AFAP1: variants seen among roughly 807,000 people sequenced by gnomAD.
AFAP1 encodes actin filament-associated protein 1.
AFAP1 carries 75 observed loss-of-function variants against 93.9 expected under a neutral mutation model. The ratio of observed to expected loss-of-function variants is 0.80; its 90% CI spans 0.66 to 0.97. The LOEUF (loss-of-function observed/expected upper bound fraction) is 0.97. AFAP1 is among the 50% of genes least tolerant of loss of function. The pLI is 0.00. For synonymous variants in AFAP1, 517 were observed against 430.7 expected (o/e 1.20, Z -2.48); for missense variants, 1,201 against 1,050.8 (o/e 1.14, Z -1.98).
At chr4:7,881,350 T>C (rs28417050) in intron 1 of AFAP1, among the ~76,000 whole-genome samples, 49,850 of 151,842 alleles carry the variant, frequency 0.33, 9,447 homozygotes, top group Non-Finnish European at 0.44. Context: ...ATCACCTCCC[T>C]GACCTCTCCT....
intron 6 of AFAP1, among the ~76,000 whole-genome samples, chr4:7,831,899 T>C (rs891069920): frequency 2.0e-5 from 3 of 152,122 alleles, no homozygotes; most frequent in Non-Finnish European, 4.4e-5. Flanking sequence ...GATGGCACTA[T>C]GGTCATAGAA....
intron 4 of AFAP1, among the ~76,000 whole-genome samples, chr4:7,852,178 C>T (rs1003215911): frequency 6.6e-6 from 1 of 152,158 alleles, no homozygotes; most frequent in Non-Finnish European, 1.5e-5. Context: ...CTTGGTGGTA[C>T]TGTTTCTCCC....
In AFAP1 at chr4:7,778,750, T is replaced by C; in HGVS notation, c.1897+12A>G. 1.2e-6 allele frequency: 2 copies of C among 1,610,940 alleles called. No homozygotes were observed. Among genetic ancestry groups the C allele is most frequent in the Non-Finnish European group, 8.5e-7 (1 of 1,177,074 alleles). ...TGAAGCCGGAATGCAAGACATCCGATGGTATACTTACTCGAACCCGTCCTT... is the reference window on the plus strand; with the variant it reads ...TGAAGCCGGAATGCAAGACATCCGACGGTATACTTACTCGAACCCGTCCTT... On this transcript the variant is annotated intron_variant, in intron 14 of 17. Coordinates refer to ENST00000420658, the MANE Select transcript of AFAP1 (RefSeq NM_001134647.2).
At chr4:7,893,928 TC>T (rs1306282292) in intron 1 of AFAP1, among the ~76,000 whole-genome samples, 1 of 152,076 alleles carries the variant, frequency 6.6e-6, no homozygotes, top group Non-Finnish European at 1.5e-5. Context: ...CGCTGCCGCC[TC>T]CCTCGCCTCT....
At chr4:7,907,720 T>G (rs373809295) in intron 1 of AFAP1, among the ~76,000 whole-genome samples, 1 of 152,132 alleles carries the variant, frequency 6.6e-6, no homozygotes, top group South Asian at 2.1e-4. Context: ...GCAAGTATAA[T>G]ACATATTCAA....
chr4:7,857,593 T>C (rs539879223), intron 3 of AFAP1, among the ~76,000 whole-genome samples: 8 of 152,326 alleles, frequency 5.3e-5, no homozygotes, highest in South Asian at 4.1e-4. Context: ...CAACAGAACC[T>C]GATACATGGG....
At position 7,833,589 on chromosome 4, in the gene AFAP1, CT is replaced by C. The variant is rs33990733; in HGVS notation, c.726+4934del. 2.1e-3 allele frequency among the ~76,000 whole-genome samples: 283 copies of C among 131,762 alleles called. 2 individuals carry two copies. In the East Asian group the frequency reaches 0.022, roughly 10 times the overall value. 86.4% of individuals were successfully genotyped at this position (131,762 alleles called of 152,430 possible). A position where few individuals can be genotyped will look rare whatever the true frequency, so the allele number is the denominator to read the frequency against. Reference sequence around the variant, plus strand: ...ACTATGGAAAACAGTGTGGAGATGTCTTTTTTTTTTTTTTTTTTAGATGGAG... The same window carrying C: ...ACTATGGAAAACAGTGTGGAGATGTCTTTTTTTTTTTTTTTTTAGATGGAG... On this transcript the variant is annotated intron_variant, in intron 6 of 17. Transcript: ENST00000420658.
Position 7,781,571 on chromosome 4 carries a change from C to T in AFAP1, c.1587G>A (p.Val529=), listed in dbSNP as rs1353837781. The change falls in exon 13 of 18, where the codon GTG becomes GTA. Residue 529 remains valine, a synonymous_variant. Coordinates refer to ENST00000420658, the MANE Select transcript of AFAP1 (RefSeq NM_001134647.2). ...ASCSRGLGEE[V]LYDNAGLYDN... Reference sequence around the variant, plus strand: ...CGTACAGGCCTGCGTTATCATAAAGCACCTCTTCTCCCAAGCCTCTGCTGC... The same window carrying T: ...CGTACAGGCCTGCGTTATCATAAAGTACCTCTTCTCCCAAGCCTCTGCTGC... 4.5e-6 allele frequency: 7 copies of T among 1,551,902 alleles called. No homozygotes were observed. The highest frequency in any genetic ancestry group is 6.1e-6 in the Non-Finnish European group (7 of 1,147,048).
intron 12 of AFAP1, among the ~76,000 whole-genome samples, chr4:7,783,359 C>G (rs1356427614): frequency 2.0e-5 from 3 of 152,170 alleles, no homozygotes; most frequent in Non-Finnish European, 4.4e-5. Flanking sequence ...AGGCTGGTCT[C>G]GAACTCCTGG....
At chr4:7,772,705 TA>T in intron 16 of AFAP1, 114 bp downstream of exon 16, 2 of 968,776 alleles carry the variant, frequency 2.1e-6, no homozygotes, top group Non-Finnish European at 3.0e-6. Flanking sequence ...CTGGGCACAC[TA>T]AGGGGCCACA....
chr4:7,789,294 A>T (rs1436852893), intron 11 of AFAP1, among the ~76,000 whole-genome samples: 3 of 152,152 alleles, frequency 2.0e-5, no homozygotes, highest in Non-Finnish European at 2.9e-5. Flanking sequence ...CAAAACCAGG[A>T]GAGAGTCAAG....
chr4:7,820,946 C>T (rs1720920735), intron 6 of AFAP1, among the ~76,000 whole-genome samples: 1 of 152,028 alleles, frequency 6.6e-6, no homozygotes, highest in African/African-American at 2.4e-5. Context: ...TGGAGAAGCC[C>T]CATCTCTACT....
chr4:7,799,550 A>G (rs1024198009), intron 10 of AFAP1, among the ~76,000 whole-genome samples: 1 of 152,196 alleles, frequency 6.6e-6, no homozygotes, highest in Non-Finnish European at 1.5e-5. Flanking sequence ...CACGCCTCAC[A>G]TGAACTGGTT....
chr4:7,763,883 G>T, intron 17 of AFAP1, 92 bp from the exon 18 acceptor site: 1 of 1,329,784 alleles, frequency 7.5e-7, no homozygotes, highest in Non-Finnish European at 1.1e-6. Flanking sequence ...CAGAGGGGGT[G>T]GGTGCTCGGC....
intron 6 of AFAP1, among the ~76,000 whole-genome samples, chr4:7,835,966 C>T (rs1270278071): frequency 2.0e-5 from 3 of 152,028 alleles, no homozygotes; most frequent in East Asian, 1.9e-4. Context: ...CCCAAGTGTG[C>T]GGGAGAGGCA....
chr4:7,891,323 T>C (rs906642168), intron 1 of AFAP1, among the ~76,000 whole-genome samples: 2 of 152,144 alleles, frequency 1.3e-5, no homozygotes, highest in Admixed American at 1.3e-4. Context: ...TGGAGAATGT[T>C]CTCCGTCTTC....
intron 12 of AFAP1, among the ~76,000 whole-genome samples, chr4:7,783,146 CTTTTT>C (rs914394443): frequency 3.9e-4 from 57 of 147,864 alleles, no homozygotes; most frequent in African/African-American, 1.4e-3. Context: ...TAAATATGAA[CTTTTT>C]TTTTTTGAGA....
intron 1 of AFAP1, among the ~76,000 whole-genome samples, chr4:7,877,439 T>G (rs1483567926): frequency 6.6e-6 from 1 of 152,216 alleles, no homozygotes; most frequent in Non-Finnish European, 1.5e-5. Flanking sequence ...AATCCTCACA[T>G]AGTGATTACA....
At position 7,763,251 on chromosome 4, in the gene AFAP1, G is replaced by A. The variant is rs574670925; in HGVS notation, c.*514C>T. 107 of 154,104 alleles carry A rather than the reference G, an allele frequency of 6.9e-4. 1 individual carries two copies. The South Asian group carries it at 0.021, about 30-fold the overall frequency. 9.5% of individuals were successfully genotyped at this position (154,104 alleles called of 1,614,324 possible). On this transcript the variant is annotated 3_prime_UTR_variant, in exon 18 of 18. Transcript: ENST00000420658. ...GGGGACGGGCACGTGGAGAGGGTAC[G>A]CCAAGACACAAAGTCCACGTCAGGA... is the stretch of plus-strand genomic sequence containing the variant.
Sources: allele counts gnomAD v4.1 joint callset (sites outside exome capture counted in the v4.1 genomes callset), GRCh38; gene constraint gnomAD v4.1.1; transcripts MANE v1.5; gene names NCBI Gene and HGNC (gene_info 2026-07-23, HGNC 2026-07-21).